Variants in SNTG2 observed in about 807,000 individuals in gnomAD.
The protein encoded by SNTG2 is syntrophin gamma 2.
A neutral mutation model predicts 70.9 loss-of-function variants in SNTG2; 74 were observed. The ratio of observed to expected loss-of-function variants is 1.04; its 90% confidence interval spans 0.86 to 1.27. SNTG2 has a LOEUF of 1.27. SNTG2 is among the 50% of genes most tolerant of loss of function. SNTG2 has a pLI of 0.00. For synonymous variants in SNTG2, 278 were observed against 273.8 expected (o/e 1.02, Z -0.15); for missense variants, 717 against 690.7 (o/e 1.04, Z -0.43).
chr2:1,142,382 C>A (rs776721884), intron 6 of SNTG2, among the ~76,000 whole-genome samples: 1 of 152,242 alleles, frequency 6.6e-6, no homozygotes, highest in Admixed American at 6.5e-5. Context: ...TCCACCATCC[C>A]TTTGGATTCC....
intron 10 of SNTG2, 147 bp from the exon 11 acceptor site, chr2:1,239,591 T>C: frequency 2.8e-6 from 2 of 719,686 alleles, no homozygotes. Flanking sequence ...TTGTATTGAC[T>C]CTGGCTAGGT....
intron 16 of SNTG2, among the ~76,000 whole-genome samples, chr2:1,321,217 C>T (rs1035650679): frequency 3.9e-5 from 6 of 152,162 alleles, no homozygotes; most frequent in Non-Finnish European, 7.3e-5. Context: ...CTTAATGACT[C>T]CATGCAGATG....
chr2:951,117 T>G, intron 1 of SNTG2, 49 bp downstream of exon 1: 1 of 927,972 alleles, frequency 1.1e-6, no homozygotes, highest in Non-Finnish European at 1.4e-6. Flanking sequence ...CCCTTCCCTC[T>G]CCTTCGCGCC....
chr2:1,348,978 T>C (rs967444026), intron 16 of SNTG2, among the ~76,000 whole-genome samples: 6 of 152,322 alleles, frequency 3.9e-5, no homozygotes, highest in African/African-American at 1.4e-4. Flanking sequence ...AGACAGCATG[T>C]GTTACAGCAG....
At position 1,271,842 on chromosome 2, in the gene SNTG2, A is replaced by C. The variant is rs1386526393; in HGVS notation, c.1284+4271A>C. ...AATGCCATTGGCTGATTGGCTTCTC[A>C]TCAAGGGAACACCATTGGCTAATTG... On this transcript the variant is annotated intron_variant, in intron 14 of 16. Coordinates refer to ENST00000308624, the MANE Select transcript of SNTG2 (RefSeq NM_018968.4). Among the ~76,000 whole-genome samples the C allele has an allele frequency of 2.6e-5, 4 of 152,022 alleles. No individual in the cohort carries two copies. The East Asian group carries it at 7.8e-4, about 29-fold the overall frequency.
intron 16 of SNTG2, among the ~76,000 whole-genome samples, chr2:1,349,650 A>T (rs1000853549): frequency 2.0e-5 from 3 of 152,218 alleles, no homozygotes. Context: ...GGGGTCACTT[A>T]TGCTACTTTT....
chr2:1,356,704 A>G (rs901647490), intron 16 of SNTG2, among the ~76,000 whole-genome samples: 6 of 152,176 alleles, frequency 3.9e-5, no homozygotes, highest in Admixed American at 3.9e-4. Context: ...ATGTCTGTAA[A>G]AATGCCATTG....
At chr2:1,207,517 C>T (rs1166847449) in intron 8 of SNTG2, among the ~76,000 whole-genome samples, 2 of 152,144 alleles carry the variant, frequency 1.3e-5, no homozygotes, top group East Asian at 1.9e-4. Flanking sequence ...ATCCCACCTG[C>T]GTTGAGGGAG....
chr2:1,133,666 C>A (rs1212543036), intron 4 of SNTG2, among the ~76,000 whole-genome samples: 1 of 150,456 alleles, frequency 6.6e-6, no homozygotes, highest in Non-Finnish European at 1.5e-5. Flanking sequence ...ATCAAGCTTT[C>A]ATGATTTTAT....
At chr2:1,295,149 C>A (rs573405413) in intron 14 of SNTG2, among the ~76,000 whole-genome samples, 1 of 152,134 alleles carries the variant, frequency 6.6e-6, no homozygotes, top group Admixed American at 6.5e-5. Context: ...CAGGGACTCT[C>A]GTGTGGCCAT....
intron 4 of SNTG2, among the ~76,000 whole-genome samples, chr2:1,136,309 T>G (rs748563394): frequency 4.4e-4 from 66 of 148,822 alleles, no homozygotes; most frequent in Non-Finnish European, 8.6e-4. Flanking sequence ...GAGACAGAGA[T>G]AGAAAGAGAC....
intron 8 of SNTG2, among the ~76,000 whole-genome samples, chr2:1,202,058 C>A (rs1673308504): frequency 6.6e-6 from 1 of 152,004 alleles, no homozygotes; most frequent in African/African-American, 2.4e-5. Flanking sequence ...ACAGGAAATA[C>A]TAAAACATGC....
intron 1 of SNTG2, among the ~76,000 whole-genome samples, chr2:1,038,063 A>G (rs556096522): frequency 2.0e-4 from 31 of 152,294 alleles, no homozygotes; most frequent in Non-Finnish European, 7.3e-5. Flanking sequence ...TCCCAGTGGT[A>G]TATGAAAGTT....
intron 16 of SNTG2, among the ~76,000 whole-genome samples, chr2:1,335,338 G>A (rs760372905): frequency 6.6e-6 from 1 of 152,190 alleles, no homozygotes; most frequent in Non-Finnish European, 1.5e-5. Flanking sequence ...TCTCAGTGTT[G>A]AGAGAAGCCC....
chr2:1,328,186 C>T (rs149448639), intron 16 of SNTG2, among the ~76,000 whole-genome samples: 1 of 152,118 alleles, frequency 6.6e-6, no homozygotes, highest in East Asian at 1.9e-4. Context: ...GCACCTCCCA[C>T]CAGGCCCCAC....
At chr2:1,021,260 G>A (rs1456109619) in intron 1 of SNTG2, among the ~76,000 whole-genome samples, 1 of 152,172 alleles carries the variant, frequency 6.6e-6, no homozygotes, top group African/African-American at 2.4e-5. Flanking sequence ...AGACCCAAAT[G>A]TGATTAGTAG....
At chr2:1,103,903 A>G (rs1256923391) in intron 4 of SNTG2, among the ~76,000 whole-genome samples, 1 of 152,368 alleles carries the variant, frequency 6.6e-6, no homozygotes, top group East Asian at 1.9e-4. Flanking sequence ...GAGCATGTAC[A>G]TTATAGTCGG....
intron 6 of SNTG2, among the ~76,000 whole-genome samples, chr2:1,140,385 A>G (rs780569981): frequency 6.6e-6 from 1 of 152,226 alleles, no homozygotes; most frequent in Non-Finnish European, 1.5e-5. Context: ...TCACTGGGCA[A>G]ATTCTGAGAC....
chr2:984,421 T>TGAA (rs1661237067), intron 1 of SNTG2, among the ~76,000 whole-genome samples: 2 of 152,092 alleles, frequency 1.3e-5, no homozygotes, highest in African/African-American at 4.8e-5. Flanking sequence ...GCTTTTTCAT[T>TGAA]TCACTCATTT....
Sources: allele counts gnomAD v4.1 joint callset (sites outside exome capture counted in the v4.1 genomes callset), GRCh38; gene constraint gnomAD v4.1.1; transcripts MANE v1.5; gene names NCBI Gene and HGNC (gene_info 2026-07-23, HGNC 2026-07-21).